TRMT11: variants seen among roughly 807,000 people sequenced by gnomAD.
TRMT11 encodes the protein tRNA methyltransferase 11, also known as tRNA (guanine(10)-N(2))-methyltransferase TRMT11.
TRMT11 carries 53 observed loss-of-function variants against 62.8 expected under a neutral mutation model. The observed-to-expected ratio is 0.84, with a 90% CI of 0.68 to 1.06. The LOEUF (loss-of-function observed/expected upper bound fraction) is 1.06, where lower values mean the gene tolerates loss of function less well. TRMT11 is among the 50% of genes least tolerant of loss of function. The pLI, the probability that TRMT11 is intolerant of heterozygous loss-of-function variation, is 0.00. For missense variants in TRMT11, 556 were observed against 553.4 expected (o/e 1.00, Z -0.05); for synonymous variants, 188 against 190.3 (o/e 0.99, Z 0.10).
chr6:126,019,119 A>ACC (rs1795433008), intron 11 of TRMT11, among the ~76,000 whole-genome samples: 2 of 152,132 alleles, frequency 1.3e-5, no homozygotes, highest in Non-Finnish European at 2.9e-5. Flanking sequence ...ACCTCAGGTG[A>ACC]TCCACCTGCC....
At chr6:126,088,063 A>G (rs1583871367) in intron 17 of TRMT11, among the ~76,000 whole-genome samples, 1 of 152,136 alleles carries the variant, frequency 6.6e-6, no homozygotes, top group East Asian at 1.9e-4. Context: ...TTATTTAATG[A>G]CCATTATTAG....
At chr6:126,043,203 C>G (rs1325229628), downstream of TRMT11, among the ~76,000 whole-genome samples, 1 of 102,212 alleles carries the variant, frequency 9.8e-6, no homozygotes, top group Non-Finnish European at 1.9e-5. Context: ...TCCCTCCCCC[C>G]TCCCCCCACC....
intron 12 of TRMT11, among the ~76,000 whole-genome samples, chr6:126,021,853 T>A (rs950991629): frequency 5.9e-5 from 9 of 152,286 alleles, no homozygotes; most frequent in East Asian, 3.9e-4. Flanking sequence ...TGTTATTTCA[T>A]GCCCAGACGA....
intron 8 of TRMT11, among the ~76,000 whole-genome samples, chr6:126,010,938 T>C (rs1794081784): frequency 6.6e-6 from 1 of 152,148 alleles, no homozygotes; most frequent in African/African-American, 2.4e-5. Context: ...TGTTTACTGC[T>C]GGAAGAAAGG....
the TRMT11 span, among the ~76,000 whole-genome samples, chr6:126,254,749 T>C: frequency 6.6e-6 from 1 of 152,244 alleles, no homozygotes; most frequent in Non-Finnish European, 1.5e-5. Flanking sequence ...CTTGCAATTA[T>C]GACACTGTTA....
At chr6:126,244,409 A>C in the TRMT11 span, among the ~76,000 whole-genome samples, 3 of 152,138 alleles carry the variant, frequency 2.0e-5, no homozygotes, top group Non-Finnish European at 4.4e-5. Context: ...CCCGCCTTTC[A>C]CTTTTACCTT....
At chr6:126,037,622 TG>T (rs1445849982) in intron 12 of TRMT11, among the ~76,000 whole-genome samples, 1 of 152,042 alleles carries the variant, frequency 6.6e-6, no homozygotes, top group Non-Finnish European at 1.5e-5. Flanking sequence ...TCTGGGTTTT[TG>T]GTGTGATTTT....
the TRMT11 span, among the ~76,000 whole-genome samples, chr6:126,226,735 G>A: frequency 1.3e-5 from 2 of 152,144 alleles, no homozygotes; most frequent in Non-Finnish European, 2.9e-5. Context: ...TAAAAATTCT[G>A]TATTCCTCAT....
At chr6:126,022,051 GTTTTTTTTTT>G (rs10581882) in intron 12 of TRMT11, among the ~76,000 whole-genome samples, 1 of 52,274 alleles carries the variant, frequency 1.9e-5, no homozygotes, top group Non-Finnish European at 3.4e-5. Flanking sequence ...TTTTTCCTTA[GTTTTTTTTTT>G]TTTTTTTTTT....
At chr6:126,015,560 G>T (rs1462865876) in intron 11 of TRMT11, among the ~76,000 whole-genome samples, 1 of 152,028 alleles carries the variant, frequency 6.6e-6, no homozygotes, top group Admixed American at 6.6e-5. Context: ...TTGTTGGTAT[G>T]GTGCCCTCTT....
At chr6:126,009,745 T>A in intron 8 of TRMT11, among the ~76,000 whole-genome samples, 1 of 152,154 alleles carries the variant, frequency 6.6e-6, no homozygotes, top group Admixed American at 6.6e-5. Flanking sequence ...TTATCTGAAA[T>A]CTGTTTTAAA....
At chr6:126,238,221 G>A in the TRMT11 span, among the ~76,000 whole-genome samples, 4 of 151,860 alleles carry the variant, frequency 2.6e-5, no homozygotes, top group African/African-American at 4.8e-5. Context: ...TCAGTTCTGC[G>A]CTAATCTTAG....
chr6:126,255,496 C>A, the TRMT11 span, among the ~76,000 whole-genome samples: 1 of 152,054 alleles, frequency 6.6e-6, no homozygotes, highest in Admixed American at 6.5e-5. Flanking sequence ...TTGAGACTTC[C>A]AGGAAAAAAA....
At chr6:126,186,187 T>A (rs1009430171) in intron 1 of TRMT11, among the ~76,000 whole-genome samples, 1 of 152,202 alleles carries the variant, frequency 6.6e-6, no homozygotes, top group African/African-American at 2.4e-5. Flanking sequence ...TAACATAATA[T>A]AGGCAGCTTA....
Position 126,081,182 on chromosome 6 carries a change from A to G in TRMT11, c.*1437+27992A>G, listed in dbSNP as rs567303561. 2.0e-5 allele frequency among the ~76,000 whole-genome samples: 3 copies of G among 152,340 alleles called. No homozygotes were observed. In the East Asian group the frequency reaches 5.8e-4, roughly 29 times the overall value. On this transcript the variant is annotated intron_variant and NMD_transcript_variant, in intron 17 of 22. Transcript: ENST00000648977. ...TCTAATTTCAACTGCTATCCAAAAA[A>G]TGGTATCTTTACTGGAGTAAATAAA... is the stretch of plus-strand genomic sequence containing the variant.
intron 17 of TRMT11, among the ~76,000 whole-genome samples, chr6:126,079,070 A>T (rs1777100036): frequency 6.6e-6 from 1 of 152,164 alleles, no homozygotes; most frequent in African/African-American, 2.4e-5. Flanking sequence ...TGGACCATAA[A>T]GGTAAAATAA....
intron 7 of TRMT11, among the ~76,000 whole-genome samples, chr6:126,005,653 AG>A (rs1311793966): frequency 2.0e-5 from 3 of 152,050 alleles, no homozygotes; most frequent in Non-Finnish European, 4.4e-5. Context: ...CTCATTTTCT[AG>A]TACTCTTTTT....
intron 17 of TRMT11, among the ~76,000 whole-genome samples, chr6:126,068,107 T>A (rs190085667): frequency 1.3e-5 from 2 of 152,224 alleles, no homozygotes; most frequent in Non-Finnish European, 2.9e-5. Flanking sequence ...TTTCTTCTTA[T>A]GTGATGTGTC....
At chr6:126,009,372 A>G (rs946429728) in intron 8 of TRMT11, 3 of 152,132 alleles carry the variant, frequency 2.0e-5, no homozygotes, top group East Asian at 1.9e-4. Context: ...AGAAGCTTCA[A>G]TAATGATGTG....
Sources: allele counts gnomAD v4.1 joint callset (sites outside exome capture counted in the v4.1 genomes callset), GRCh38; gene constraint gnomAD v4.1.1; transcripts MANE v1.5; gene names NCBI Gene and HGNC (gene_info 2026-07-23, HGNC 2026-07-21).